The following CTTNBP2 variants were observed in gnomAD, a reference collection of about 807,000 sequenced individuals.
CTTNBP2 encodes the protein cortactin-binding protein 2.
Under a neutral mutation model 156.9 loss-of-function variants are expected in CTTNBP2, and 108 were observed. That is an observed-to-expected ratio of 0.69 (90% CI 0.59 to 0.81). CTTNBP2 has a LOEUF of 0.81. Ranked by LOEUF, CTTNBP2 falls within the 30% of genes least tolerant of loss-of-function variation. The pLI is 0.00. For missense variants in CTTNBP2, 1,924 were observed against 2,035.4 expected, an observed-to-expected ratio of 0.95 and a Z score of 1.05; for synonymous variants, 767 against 751.8, an observed-to-expected ratio of 1.02 and a Z score of -0.33.
intron 16 of CTTNBP2, among the ~76,000 whole-genome samples, chr7:117,730,638 G>T (rs543400418): frequency 2.6e-4 from 39 of 152,258 alleles, no homozygotes; most frequent in African/African-American, 8.7e-4. Context: ...GGACTCAGAC[G>T]CTTGTACACA....
intron 2 of CTTNBP2, among the ~76,000 whole-genome samples, chr7:117,817,285 G>A (rs1236072685): frequency 2.9e-5 from 4 of 138,590 alleles, no homozygotes; most frequent in Non-Finnish European, 4.6e-5. Context: ...AGTGAGCTGC[G>A]ATTGTGCCAC....
chr7:117,760,583 A>C lies in CTTNBP2; in HGVS notation c.3024T>G (p.Asp1008Glu). The C allele has an allele frequency of 1.2e-6, 2 of 1,614,142 alleles. No homozygotes were observed. The highest frequency in any genetic ancestry group is 1.7e-6 in the Non-Finnish European group (2 of 1,180,014). Residue 1008 changes from aspartate (D) to glutamate (E), a missense_variant, in exon 10 of 23, where the codon GAT (aspartate) becomes GAG (glutamate). By Grantham distance (45) the Asp-to-Glu change is conservative. Coordinates refer to ENST00000160373, the MANE Select transcript of CTTNBP2 (RefSeq NM_033427.3). ...LNIRKQTSWD[D>E]FSKAVSQALT... ...GAGCTTGACTCACTGCTTTTGAAAAATCATCCCATGATGTCTGTTTGCGGA... is the reference window on the plus strand; with the variant it reads ...GAGCTTGACTCACTGCTTTTGAAAACTCATCCCATGATGTCTGTTTGCGGA...
intron 2 of CTTNBP2, among the ~76,000 whole-genome samples, chr7:117,844,050 A>AAG (rs991424496): frequency 2.6e-5 from 2 of 78,032 alleles, no homozygotes; most frequent in Non-Finnish European, 4.8e-5. Context: ...AGCAGAAACG[A>AAG]AGAGAGAGAG....
intron 1 of CTTNBP2, among the ~76,000 whole-genome samples, chr7:117,867,547 C>T (rs571381675): frequency 1.1e-3 from 169 of 152,076 alleles, no homozygotes; most frequent in Non-Finnish European, 2.1e-3. Flanking sequence ...CCTGCCCCCA[C>T]CCCACCATAT....
In CTTNBP2 at chr7:117,757,854, CTTAG is replaced by C; in HGVS notation, c.3268+17_3268+20del. On this transcript the variant is annotated intron_variant, in intron 11 of 22. Coordinates refer to ENST00000160373, the MANE Select transcript of CTTNBP2 (RefSeq NM_033427.3). The stretch of plus-strand genomic sequence containing the variant: ...GAAGCAAACACTCTTTAAACGTCAC[CTTAG>C]TTAGGGACATCCTTACCTGACAAAA... 1 of 1,540,864 alleles carries C rather than the reference CTTAG, an allele frequency of 6.5e-7. No individual in the cohort carries two copies.
intron 14 of CTTNBP2, among the ~76,000 whole-genome samples, chr7:117,744,966 A>G (rs1796241870): frequency 6.6e-6 from 1 of 152,146 alleles, no homozygotes; most frequent in Non-Finnish European, 1.5e-5. Context: ...ATCCTTCTCC[A>G]ATCTTACAAC....
chr7:117,777,486 T>C, intron 8 of CTTNBP2, 25 bp downstream of exon 8: 10 of 1,598,860 alleles, frequency 6.3e-6, no homozygotes, highest in Non-Finnish European at 8.5e-6. Context: ...AGCTGCATGA[T>C]GAGGCCAGCT....
At chr7:117,724,845 C>A in intron 18 of CTTNBP2, 113 bp from the exon 19 acceptor site, 1 of 1,295,156 alleles carries the variant, frequency 7.7e-7, no homozygotes, top group Non-Finnish European at 1.1e-6. Context: ...ATTTAGTATC[C>A]AAGCTGGGGT....
rs201105011 is a variant in CTTNBP2 at position 117,817,348 on chromosome 7, A to T, written c.190-6359T>A. Among the ~76,000 whole-genome samples, 426 of 69,120 alleles carry T rather than the reference A, an allele frequency of 6.2e-3. 67 individuals carry two copies. The highest frequency in any genetic ancestry group is 0.012 in the East Asian group (23 of 1,996). The allele number at this position is 69,120 out of a possible 152,430, so 45.3% of individuals were successfully genotyped here. On this transcript the variant is annotated intron_variant, in intron 2 of 22. Transcript: ENST00000160373. ...GACTCCATCTCAAAAAAAAAAAAAA[A>T]AAAAAAAAAAAAAATATATATATAT... is the stretch of plus-strand genomic sequence containing the variant.
chr7:117,873,368 CG>C lies in CTTNBP2; in HGVS notation c.47del (p.Pro16ArgfsTer32). 6.8e-7 allele frequency: 1 copy of C among 1,475,274 alleles called. No individual in the cohort carries two copies. The allele number at this position is 1,475,274 out of a possible 1,614,324, so 91.4% of individuals were successfully genotyped here. On this transcript the variant is annotated frameshift_variant, in exon 1 of 23. Transcript: ENST00000160373. LOFTEE classifies it high-confidence loss of function. ...ASCEPDLSRAPEDAAGAAAEA... is the reference protein window; with the variant it reads ...ASCEPDLSRAXEDAAGAAAEA... Reference sequence around the variant, plus strand: ...CCGCCGCGGCCCCCGCCGCGTCCTCCGGGGCCCGGGACAAGTCGGGCTCGCA... The same window carrying C: ...CCGCCGCGGCCCCCGCCGCGTCCTCCGGGCCCGGGACAAGTCGGGCTCGCA...
intron 22 of CTTNBP2, among the ~76,000 whole-genome samples, chr7:117,712,682 TGGCAGTTGC>T (rs752570043): frequency 1.1e-4 from 16 of 152,226 alleles, no homozygotes; most frequent in African/African-American, 2.2e-4. Context: ...TGGCTTCATC[TGGCAGTTGC>T]GGCAGTTGCA....
At chr7:117,865,353 C>G (rs994200414) in intron 1 of CTTNBP2, among the ~76,000 whole-genome samples, 1 of 151,678 alleles carries the variant, frequency 6.6e-6, no homozygotes, top group African/African-American at 2.4e-5. Flanking sequence ...TGAAAAGAAA[C>G]TAAAAACAAA....
chr7:117,847,819 CTTTTTTTTTTTTT>C (rs201419286), intron 2 of CTTNBP2, among the ~76,000 whole-genome samples: 114 of 91,362 alleles, frequency 1.2e-3, no homozygotes, highest in Non-Finnish European at 1.8e-3. Flanking sequence ...TTTGCCTAAC[CTTTTTTTTTTTTT>C]TTTTTTTTTT....
intron 8 of CTTNBP2, among the ~76,000 whole-genome samples, chr7:117,773,690 CA>C (rs879386601): frequency 0.015 from 2,203 of 148,948 alleles, 45 homozygotes; most frequent in Middle Eastern, 0.028. Flanking sequence ...CACACACACA[CA>C]CACACACACA....
At chr7:117,779,332 A>G (rs1473002632) in intron 7 of CTTNBP2, among the ~76,000 whole-genome samples, 2 of 152,174 alleles carry the variant, frequency 1.3e-5, no homozygotes, top group Non-Finnish European at 1.5e-5. Flanking sequence ...CTCTTTTGAT[A>G]CTTTCTTATT....
In CTTNBP2 at chr7:117,810,849, G is replaced by C. The variant is rs371802713; in HGVS notation, c.330C>G (p.Ile110Met). The C allele has an allele frequency of 3.8e-5, 62 of 1,613,986 alleles. No individual in the cohort carries two copies. Among genetic ancestry groups the C allele is most frequent in the Non-Finnish European group, 4.9e-5 (58 of 1,180,022 alleles). ...KKPVCTNPLS[I>M]LEAVMAHCKK... ...TGCAGTGGGCCATGACTGCTTCAAG[G>C]ATGGAGAGGGGGTTGGTACAAACTG... Residue 110 changes from isoleucine to methionine, a missense_variant, in exon 3 of 23, where the codon ATC (isoleucine) becomes ATG (methionine). Physicochemically the swap from Ile to Met is conservative, Grantham distance 10 (BLOSUM62 1). Coordinates refer to ENST00000160373, the MANE Select transcript of CTTNBP2 (RefSeq NM_033427.3).
chr7:117,758,032 G>T, intron 10 of CTTNBP2, 62 bp from the exon 11 acceptor site: 1 of 1,167,138 alleles, frequency 8.6e-7, no homozygotes, highest in East Asian at 2.5e-5. Flanking sequence ...TCTCACAAGG[G>T]TAAACATATG....
chr7:117,834,971 C>G (rs1006952425), intron 2 of CTTNBP2, among the ~76,000 whole-genome samples: 6 of 152,228 alleles, frequency 3.9e-5, no homozygotes, highest in African/African-American at 1.4e-4. Context: ...AGAGTTGCCT[C>G]TTGGAAATGC....
chr7:117,833,488 C>T (rs999754157), intron 2 of CTTNBP2, among the ~76,000 whole-genome samples: 3 of 152,170 alleles, frequency 2.0e-5, no homozygotes, highest in African/African-American at 7.2e-5. Flanking sequence ...CTGAGTTCAC[C>T]ATGTGGTTTC....
Sources: gnomAD v4.1 joint callset for allele counts (sites outside exome capture counted in the v4.1 genomes callset) on GRCh38, gnomAD v4.1.1 for gene constraint, MANE v1.5 for transcripts, NCBI Gene and HGNC (gene_info 2026-07-23, HGNC 2026-07-21) for gene names.